The following RAB20 variants were observed in gnomAD, a reference collection of about 807,000 sequenced individuals.
The protein encoded by RAB20 is RAB20, member RAS oncogene family, also known as ras-related protein Rab-20.
A neutral mutation model predicts 3.7 loss-of-function variants in RAB20; 2 were observed. That is an observed-to-expected ratio of 0.54 (90% CI 0.22 to 1.69). The LOEUF (loss-of-function observed/expected upper bound fraction) is 1.69. RAB20 is among the 40% of genes most tolerant of loss of function. The probability of loss-of-function intolerance (pLI) is 0.19; values close to 1 mark genes in which losing one functional copy is unlikely to be tolerated. For missense variants in RAB20, 276 were observed against 311.9 expected, an observed-to-expected ratio of 0.88 and a Z score of 0.87; for synonymous variants, 126 against 130.8, an observed-to-expected ratio of 0.96 and a Z score of 0.25.
Position 110,523,952 on chromosome 13 carries a change from G to A in RAB20, c.418C>T (p.Arg140Cys), listed in dbSNP as rs139980896. Reference sequence around the variant, plus strand: ...TGCTTAGGTGCCCTTGGGGAGACACGGTCCCCAGCGTCCATATTGGGACTG... The same window carrying A: ...TGCTTAGGTGCCCTTGGGGAGACACAGTCCCCAGCGTCCATATTGGGACTG... Reference protein sequence around the residue: ...ECSPNMDAGDRVSPRAPKQVQ... With the variant: ...ECSPNMDAGDCVSPRAPKQVQ... The change falls in exon 2 of 2, where the codon CGT (arginine) becomes TGT (cysteine). Residue 140 changes from arginine (R) to cysteine (C), a missense_variant. Coordinates refer to ENST00000267328, the MANE Select transcript of RAB20 (RefSeq NM_017817.3). 2.2e-5 allele frequency: 35 copies of A among 1,614,050 alleles called. No homozygotes were observed. In the Middle Eastern group the frequency reaches 2.5e-3, roughly 114 times the overall value.
At chr13:110,530,877 T>C (rs1220738576) in intron 1 of RAB20, among the ~76,000 whole-genome samples, 1 of 152,220 alleles carries the variant, frequency 6.6e-6, no homozygotes, top group Admixed American at 6.5e-5. Context: ...AAAAACACAA[T>C]TGTGTCTGTT....
chr13:110,533,952 C>T (rs1235934353), intron 1 of RAB20, among the ~76,000 whole-genome samples: 2 of 152,198 alleles, frequency 1.3e-5, no homozygotes, highest in East Asian at 1.9e-4. Context: ...AGGCCCTCCC[C>T]CCAGAACCCA....
At chr13:110,529,947 G>A (rs945000664) in intron 1 of RAB20, among the ~76,000 whole-genome samples, 3 of 152,184 alleles carry the variant, frequency 2.0e-5, no homozygotes, top group African/African-American at 4.8e-5. Context: ...AATTACCCCT[G>A]GTGGTGAGGG....
rs1884890189 is a variant in RAB20 at position 110,548,375 on chromosome 13, T to TCGGGAGGCTGAGGCAGG, written c.172+12956_172+12972dup. ...GGTGTGCACCTGTAGTCCCAGCTTC[T>TCGGGAGGCTGAGGCAGG]CGGGAGGCTGAGGCAGGAGAATTGC... On this transcript the variant is annotated intron_variant, in intron 1 of 1. Transcript: ENST00000267328. 2.0e-5 allele frequency among the ~76,000 whole-genome samples: 3 copies of TCGGGAGGCTGAGGCAGG among 151,860 alleles called. No homozygotes were observed. The South Asian group carries it at 6.2e-4, about 32-fold the overall frequency.
intron 1 of RAB20, among the ~76,000 whole-genome samples, chr13:110,557,693 G>A (rs533960778): frequency 7.1e-4 from 108 of 152,362 alleles, no homozygotes; most frequent in African/African-American, 2.3e-3. Context: ...GCTGGATGCC[G>A]GCACAGGGAA....
At chr13:110,540,047 C>T (rs1398352120) in intron 1 of RAB20, among the ~76,000 whole-genome samples, 1 of 152,236 alleles carries the variant, frequency 6.6e-6, no homozygotes, top group Non-Finnish European at 1.5e-5. Flanking sequence ...GAATGTAAAG[C>T]AGGAAGAAGC....
At chr13:110,534,118 A>G (rs1353144267) in intron 1 of RAB20, among the ~76,000 whole-genome samples, 3 of 152,208 alleles carry the variant, frequency 2.0e-5, no homozygotes, top group Non-Finnish European at 2.9e-5. Context: ...CAGCATTTAC[A>G]TCAGTGGATG....
chr13:110,552,998 G>A (rs1000916896), intron 1 of RAB20, among the ~76,000 whole-genome samples: 4 of 152,166 alleles, frequency 2.6e-5, no homozygotes, highest in Admixed American at 6.5e-5. Flanking sequence ...GTATAATGTC[G>A]CTTTGTCCAC....
chr13:110,533,396 G>C (rs986902107), intron 1 of RAB20, among the ~76,000 whole-genome samples: 1 of 152,128 alleles, frequency 6.6e-6, no homozygotes, highest in African/African-American at 2.4e-5. Context: ...ATAATGGTGC[G>C]TGGAGGCCAG....
chr13:110,545,146 G>T (rs1884830730), intron 1 of RAB20, among the ~76,000 whole-genome samples: 2 of 151,998 alleles, frequency 1.3e-5, no homozygotes, highest in Admixed American at 1.3e-4. Context: ...TTTATTAGCA[G>T]CATGAACACG....
intron 1 of RAB20, 37 bp from the exon 2 acceptor site, chr13:110,524,234 CT>C: frequency 6.5e-7 from 1 of 1,544,022 alleles, no homozygotes; most frequent in South Asian, 1.2e-5. Flanking sequence ...GTGGTTATCT[CT>C]CATCTCAGAA....
intron 1 of RAB20, among the ~76,000 whole-genome samples, chr13:110,541,701 G>A (rs778157054): frequency 4.7e-4 from 71 of 151,996 alleles, no homozygotes; most frequent in Admixed American, 9.2e-4. Context: ...AGCTTCCTCA[G>A]TGTCCCTGCA....
rs150002266 is a variant in RAB20 at position 110,545,024 on chromosome 13, G to A, written c.172+16324C>T. Among the ~76,000 whole-genome samples the A allele has an allele frequency of 8.8e-3, 1,343 of 152,082 alleles. 22 individuals are homozygous for A. Among genetic ancestry groups the A allele is most frequent in the African/African-American group, 0.031 (1,282 of 41,482 alleles). On this transcript the variant is annotated intron_variant, in intron 1 of 1. Coordinates refer to ENST00000267328, the MANE Select transcript of RAB20 (RefSeq NM_017817.3). ...TGCCTCTTCCTCATTTTCTCTTGCC[G>A]CCACCATGTAAGAAGTGCCTTTTGC...
In RAB20 at chr13:110,561,702, G is replaced by A; in HGVS notation, c.-183C>T. On this transcript the variant is annotated 5_prime_UTR_variant, in exon 1 of 2. Coordinates refer to ENST00000267328, the MANE Select transcript of RAB20 (RefSeq NM_017817.3). ...GAGAGGAAGCGCGTGTGCGCGCCCG[G>A]GAAGGAGCTGGGTGCAGAGCACGGA... 2 of 1,128,080 alleles carry A rather than the reference G, an allele frequency of 1.8e-6. No homozygotes were observed. Among genetic ancestry groups the A allele is most frequent in the Non-Finnish European group, 1.2e-6 (1 of 863,310 alleles). 69.9% of individuals were successfully genotyped at this position (1,128,080 alleles called of 1,614,324 possible).
chr13:110,538,379 G>A (rs1242769357), intron 1 of RAB20, among the ~76,000 whole-genome samples: 1 of 151,870 alleles, frequency 6.6e-6, no homozygotes, highest in Non-Finnish European at 1.5e-5. Context: ...GCAGAGGAGG[G>A]AGGATTGCTT....
At chr13:110,541,816 C>CCACCCACACACACACA (rs1555335859) in intron 1 of RAB20, among the ~76,000 whole-genome samples, 1 of 149,420 alleles carries the variant, frequency 6.7e-6, no homozygotes, top group African/African-American at 2.5e-5. Context: ...GAGTGTCCAG[C>CCACCCACACACACACA]CACACACACA....
intron 1 of RAB20, among the ~76,000 whole-genome samples, chr13:110,524,790 C>T (rs2139572121): frequency 6.6e-6 from 1 of 152,320 alleles, no homozygotes; most frequent in East Asian, 1.9e-4. Flanking sequence ...ACACAGCACC[C>T]TGCGGTGCTC....
At chr13:110,560,047 G>A (rs550179549) in intron 1 of RAB20, among the ~76,000 whole-genome samples, 1 of 152,278 alleles carries the variant, frequency 6.6e-6, no homozygotes, top group South Asian at 2.1e-4. Flanking sequence ...AAACCAAATT[G>A]GGTTCAATTT....
chr13:110,523,277 T>A lies in RAB20; in HGVS notation c.*388A>T, dbSNP rs776048067. 4 of 420,994 alleles carry A rather than the reference T, an allele frequency of 9.5e-6. No individual in the cohort carries two copies. The highest frequency in any genetic ancestry group is 1.7e-5 in the Non-Finnish European group (4 of 239,086). 26.1% of individuals were successfully genotyped at this position (420,994 alleles called of 1,614,324 possible). ...CAAGAAATGTCAGAGTTGTAGGACG[T>A]GGTAACAACCCAGGGTGCTGAAACG... is the stretch of plus-strand genomic sequence containing the variant. On this transcript the variant is annotated 3_prime_UTR_variant, in exon 2 of 2. Transcript: ENST00000267328.
Sources: allele counts gnomAD v4.1 joint callset (sites outside exome capture counted in the v4.1 genomes callset), GRCh38; gene constraint gnomAD v4.1.1; transcripts MANE v1.5; gene names NCBI Gene and HGNC (gene_info 2026-07-23, HGNC 2026-07-21).